CCDC146: variants seen among roughly 807,000 people sequenced by gnomAD.
CCDC146 encodes the protein coiled-coil domain containing 146.
In CCDC146, 92 loss-of-function variants were observed where a neutral mutation model predicts 119.3. The observed-to-expected ratio is 0.77, with a 90% CI of 0.65 to 0.92. The LOEUF (loss-of-function observed/expected upper bound fraction) is 0.92. Among genes scored for constraint, CCDC146 ranks in the 40% least tolerant of loss-of-function variants. CCDC146 has a pLI of 0.00. For missense variants in CCDC146, 1,000 were observed against 1,103.0 expected (o/e 0.91, Z 1.32); for synonymous variants, 372 against 371.8 (o/e 1.00, Z -0.01).
At chr7:77,292,143 A>C (rs2150559357) in intron 17 of CCDC146, among the ~76,000 whole-genome samples, 1 of 152,064 alleles carries the variant, frequency 6.6e-6, no homozygotes, top group East Asian at 1.9e-4. Context: ...AAAAATAATA[A>C]ATTAGCCAAC....
intron 2 of CCDC146, among the ~76,000 whole-genome samples, chr7:77,234,808 G>A (rs1792703130): frequency 1.3e-5 from 2 of 152,074 alleles, no homozygotes; most frequent in Non-Finnish European, 2.9e-5. Flanking sequence ...TTTGATACAG[G>A]TAGAGTATCC....
chr7:77,254,158 C>T (rs1159968455), intron 4 of CCDC146, among the ~76,000 whole-genome samples: 1 of 152,172 alleles, frequency 6.6e-6, no homozygotes, highest in Non-Finnish European at 1.5e-5. Flanking sequence ...GAGGCTGTAG[C>T]AGGAATCCAG....
At chr7:77,294,368 G>A (rs568873095) in intron 18 of CCDC146, among the ~76,000 whole-genome samples, 53 of 152,214 alleles carry the variant, frequency 3.5e-4, no homozygotes, top group African/African-American at 1.2e-3. Flanking sequence ...AATGAGGTGT[G>A]GGGGTGTGTG....
At chr7:77,183,647 A>T (rs991666040) in intron 2 of CCDC146, among the ~76,000 whole-genome samples, 1 of 152,094 alleles carries the variant, frequency 6.6e-6, no homozygotes, top group Admixed American at 6.5e-5. Context: ...GATAGCTGAG[A>T]TCTCGTCTTT....
Position 77,175,075 on chromosome 7 carries a change from G to C in CCDC146, c.156+7251G>C, listed in dbSNP as rs531639681. The stretch of plus-strand genomic sequence containing the variant: ...AGGATTTCTACTTCTATCTGTATGT[G>C]CTTATGTAAAGCAGCACTGATTTAT... On this transcript the variant is annotated intron_variant, in intron 2 of 18. Coordinates refer to ENST00000285871, the MANE Select transcript of CCDC146 (RefSeq NM_020879.3). 2.4e-4 allele frequency among the ~76,000 whole-genome samples: 36 copies of C among 149,690 alleles called. 1 individual carries two copies. The highest frequency in any genetic ancestry group is 4.6e-4 in the Admixed American group (7 of 15,228).
At chr7:77,172,459 A>G (rs931905342) in intron 2 of CCDC146, among the ~76,000 whole-genome samples, 2 of 152,228 alleles carry the variant, frequency 1.3e-5, no homozygotes, top group African/African-American at 4.8e-5. Flanking sequence ...GCATTGGAAA[A>G]CACAGAAACT....
chr7:77,189,747 T>C (rs1165846661), intron 2 of CCDC146, among the ~76,000 whole-genome samples: 5 of 152,186 alleles, frequency 3.3e-5, no homozygotes, highest in Non-Finnish European at 1.5e-5. Context: ...CTATCCACTC[T>C]TCCAGGCTTG....
At chr7:77,180,347 A>G (rs755235459) in intron 2 of CCDC146, among the ~76,000 whole-genome samples, 3 of 151,946 alleles carry the variant, frequency 2.0e-5, no homozygotes, top group Non-Finnish European at 2.9e-5. Context: ...GGTTGCTTCT[A>G]CCTCTTGGCT....
chr7:77,136,717 A>C (rs1294899295), intron 1 of CCDC146, among the ~76,000 whole-genome samples: 2 of 152,188 alleles, frequency 1.3e-5, no homozygotes, highest in South Asian at 2.1e-4. Flanking sequence ...ATACTAATTC[A>C]CTACAATTTC....
At chr7:77,198,086 G>A in intron 2 of CCDC146, 1 of 964,512 alleles carries the variant, frequency 1.0e-6, no homozygotes, top group Non-Finnish European at 1.2e-6. Flanking sequence ...AAGTTGCCAT[G>A]CAGCATCTAA....
chr7:77,147,713 T>A (rs1337572350), intron 1 of CCDC146, among the ~76,000 whole-genome samples: 1 of 152,234 alleles, frequency 6.6e-6, no homozygotes, highest in African/African-American at 2.4e-5. Context: ...CAGCAGAGGC[T>A]GCAGAACAGC....
intron 9 of CCDC146, among the ~76,000 whole-genome samples, chr7:77,263,652 A>G (rs1400777445): frequency 6.6e-6 from 1 of 152,242 alleles, no homozygotes; most frequent in African/African-American, 2.4e-5. Context: ...GGTTGGGCAC[A>G]GTGGCTGCTG....
chr7:77,210,173 AAT>A (rs1792156029), intron 2 of CCDC146, among the ~76,000 whole-genome samples: 1 of 152,194 alleles, frequency 6.6e-6, no homozygotes. Flanking sequence ...TTCCCTTTTA[AAT>A]ATAAGTTCCA....
At chr7:77,181,891 G>A (rs1157641562) in intron 2 of CCDC146, among the ~76,000 whole-genome samples, 3 of 151,908 alleles carry the variant, frequency 2.0e-5, no homozygotes, top group Non-Finnish European at 2.9e-5. Flanking sequence ...TACGTCTCCT[G>A]TGTTTTTTCC....
intron 2 of CCDC146, among the ~76,000 whole-genome samples, chr7:77,204,309 T>A (rs1792046763): frequency 6.6e-6 from 1 of 152,238 alleles, no homozygotes; most frequent in Non-Finnish European, 1.5e-5. Context: ...TTGTTCATTA[T>A]AAATTTCATG....
chr7:77,134,802 T>C (rs1162020113), intron 1 of CCDC146, among the ~76,000 whole-genome samples: 2 of 152,188 alleles, frequency 1.3e-5, no homozygotes, highest in Non-Finnish European at 2.9e-5. Context: ...GCTGCTGGGA[T>C]AGGTTCCAGC....
intron 1 of CCDC146, among the ~76,000 whole-genome samples, chr7:77,131,850 G>A (rs1354877271): frequency 3.9e-5 from 6 of 151,910 alleles, no homozygotes; most frequent in Non-Finnish European, 5.9e-5. Context: ...AAATAAAAAC[G>A]ATAGGGAGCA....
At chr7:77,293,317 C>A in intron 18 of CCDC146, 117 bp downstream of exon 18, 2 of 1,069,532 alleles carry the variant, frequency 1.9e-6, no homozygotes, top group Non-Finnish European at 2.7e-6. Context: ...CACACAGTCC[C>A]AACAGTCGTT....
chr7:77,191,194 T>C (rs965324660), intron 2 of CCDC146, among the ~76,000 whole-genome samples: 8 of 152,210 alleles, frequency 5.3e-5, no homozygotes, highest in African/African-American at 1.4e-4. Context: ...TATGGTAAAA[T>C]TGGTTTTGTT....
Sources: allele counts gnomAD v4.1 joint callset (sites outside exome capture counted in the v4.1 genomes callset), GRCh38; gene constraint gnomAD v4.1.1; transcripts MANE v1.5; gene names NCBI Gene and HGNC (gene_info 2026-07-23, HGNC 2026-07-21).